PHF14: variants seen among roughly 807,000 people sequenced by gnomAD.
PHF14 encodes the protein PHD finger protein 14.
Under a neutral mutation model 117.9 loss-of-function variants are expected in PHF14, and 55 were observed. The ratio of observed to expected loss-of-function variants is 0.47; its 90% CI spans 0.38 to 0.58. The LOEUF (loss-of-function observed/expected upper bound fraction) is 0.58. Among genes scored for constraint, PHF14 ranks in the 20% least tolerant of loss-of-function variants. The pLI is 0.00. For synonymous variants in PHF14, 409 were observed against 368.6 expected, an observed-to-expected ratio of 1.11 and a Z score of -1.26; for missense variants, 978 against 1,122.2, an observed-to-expected ratio of 0.87 and a Z score of 1.84.
At chr7:11,009,279 T>C (rs1783253384) in intron 4 of PHF14, among the ~76,000 whole-genome samples, 2 of 152,196 alleles carry the variant, frequency 1.3e-5, no homozygotes, top group South Asian at 4.1e-4. Context: ...GAAAGTCCAC[T>C]GGCCCCTGTG....
chr7:11,070,376 C>G (rs1244197387), intron 16 of PHF14, among the ~76,000 whole-genome samples: 1 of 152,204 alleles, frequency 6.6e-6, no homozygotes, highest in Admixed American at 6.5e-5. Context: ...CTGTACCCAG[C>G]TAAGCTGTGT....
chr7:10,978,767 T>C (rs967533444), intron 2 of PHF14, among the ~76,000 whole-genome samples: 2 of 152,136 alleles, frequency 1.3e-5, no homozygotes, highest in Non-Finnish European at 2.9e-5. Context: ...CTTCCACTGT[T>C]GTGGCAACTA....
At chr7:10,983,191 C>A (rs1418369567) in intron 3 of PHF14, 32 bp downstream of exon 3, 3 of 1,553,120 alleles carry the variant, frequency 1.9e-6, no homozygotes, top group South Asian at 2.4e-5. Context: ...ATCTGTCTGT[C>A]TGGGGAAAAG....
chr7:11,159,499 A>G (rs567845058), intron 17 of PHF14, among the ~76,000 whole-genome samples: 1 of 152,204 alleles, frequency 6.6e-6, no homozygotes, highest in South Asian at 2.1e-4. Flanking sequence ...TATATATTTA[A>G]TACATATGAA....
intron 17 of PHF14, among the ~76,000 whole-genome samples, chr7:11,163,372 A>C (rs1362196620): frequency 6.6e-6 from 1 of 152,204 alleles, no homozygotes; most frequent in Non-Finnish European, 1.5e-5. Context: ...CTAAAGTTGG[A>C]ATTCAGTTGT....
At chr7:11,122,359 A>ATATATATATATT (rs1562476422) in intron 17 of PHF14, among the ~76,000 whole-genome samples, 1 of 115,226 alleles carries the variant, frequency 8.7e-6, no homozygotes, top group African/African-American at 4.1e-5. Context: ...ATATACACAC[A>ATATATATATATT]CACACACACA....
At chr7:10,985,757 A>G (rs890821182) in intron 3 of PHF14, among the ~76,000 whole-genome samples, 10 of 141,460 alleles carry the variant, frequency 7.1e-5, no homozygotes, top group South Asian at 6.5e-4. Flanking sequence ...GGTTCAAGCA[A>G]TTCTTCTGCC....
At chr7:11,035,258 A>G (rs114839777) in intron 7 of PHF14, among the ~76,000 whole-genome samples, 1,973 of 152,270 alleles carry the variant, frequency 0.013, 41 homozygotes, top group African/African-American at 0.045. Flanking sequence ...AACTAGATGC[A>G]AATACCACAC....
At chr7:11,028,569 T>G in intron 6 of PHF14, 112 bp from the exon 7 acceptor site, 1 of 960,558 alleles carries the variant, frequency 1.0e-6, no homozygotes, top group Non-Finnish European at 1.6e-6. Flanking sequence ...ACATAATTGG[T>G]TCATTATTTG....
chr7:11,031,261 A>AT, intron 7 of PHF14, among the ~76,000 whole-genome samples: 1 of 151,814 alleles, frequency 6.6e-6, no homozygotes, highest in Non-Finnish European at 1.5e-5. Flanking sequence ...ACCTTTCTGT[A>AT]TTTTTTATGA....
chr7:11,034,188 C>T (rs889573942), intron 7 of PHF14, among the ~76,000 whole-genome samples: 1 of 151,742 alleles, frequency 6.6e-6, no homozygotes, highest in Non-Finnish European at 1.5e-5. Context: ...TATGTCTCTC[C>T]TCGGTAGTGT....
intron 17 of PHF14, among the ~76,000 whole-genome samples, chr7:11,145,692 C>T (rs922124944): frequency 1.3e-5 from 2 of 151,996 alleles, no homozygotes; most frequent in African/African-American, 4.8e-5. Flanking sequence ...AATAACTATG[C>T]TTTGTTTGTA....
chr7:11,072,655 CA>C (rs1380892875), intron 16 of PHF14, among the ~76,000 whole-genome samples: 2 of 151,912 alleles, frequency 1.3e-5, no homozygotes, highest in African/African-American at 4.8e-5. Context: ...TCTGATATAA[CA>C]TATATAGTGC....
chr7:11,103,622 A>G lies in PHF14; in HGVS notation c.2655-7728A>G, dbSNP rs183763040. On this transcript the variant is annotated intron_variant, in intron 16 of 17. Coordinates refer to ENST00000634607, the MANE Select transcript of PHF14 (RefSeq NM_001007157.2). ...GTAAATTGTCAACATGTAATTTGGA[A>G]TTTTCTGATTAATAAATGTGGTTTT... is the stretch of plus-strand genomic sequence containing the variant. 2.0e-3 allele frequency: 1,945 copies of G among 985,148 alleles called. 2 individuals are homozygous for G. The highest frequency in any genetic ancestry group is 2.2e-3 in the Non-Finnish European group (1,798 of 829,412). 61.0% of individuals were successfully genotyped at this position (985,148 alleles called of 1,614,324 possible).
rs1411405943 is a variant in PHF14 at position 11,137,302 on chromosome 7, A to G, written c.2772+25835A>G. Reference sequence around the variant, plus strand: ...TTAGAAGAGGTGGCCAGTGCCTGCCAATTGGCTGCCATGTGGATACTTCTT... The same window carrying G: ...TTAGAAGAGGTGGCCAGTGCCTGCCGATTGGCTGCCATGTGGATACTTCTT... On this transcript the variant is annotated intron_variant, in intron 17 of 17. Coordinates refer to ENST00000634607, the MANE Select transcript of PHF14 (RefSeq NM_001007157.2). Among the ~76,000 whole-genome samples the G allele has an allele frequency of 2.6e-5, 4 of 152,180 alleles. 1 individual carries two copies. In the East Asian group the frequency reaches 7.7e-4, roughly 29 times the overall value.
At chr7:11,136,334 G>C (rs1040693452) in intron 17 of PHF14, among the ~76,000 whole-genome samples, 4 of 151,842 alleles carry the variant, frequency 2.6e-5, no homozygotes, top group Non-Finnish European at 5.9e-5. Context: ...ATTTTTATTT[G>C]AGCTGAAAAA....
At chr7:11,051,545 T>A in intron 13 of PHF14, 67 bp from the exon 14 acceptor site, 1 of 1,309,226 alleles carries the variant, frequency 7.6e-7, no homozygotes, top group Non-Finnish European at 1.0e-6. Context: ...TTTGTATTTA[T>A]AAAAACTATA....
At chr7:11,166,345 C>G (rs926990017) in intron 17 of PHF14, among the ~76,000 whole-genome samples, 22 of 151,682 alleles carry the variant, frequency 1.5e-4, no homozygotes, top group African/African-American at 5.3e-4. Context: ...AAAAAACCCT[C>G]CTGTATATCA....
chr7:11,009,277 A>C (rs1335703978), intron 4 of PHF14, among the ~76,000 whole-genome samples: 1 of 152,206 alleles, frequency 6.6e-6, no homozygotes, highest in African/African-American at 2.4e-5. Flanking sequence ...CTGAAAGTCC[A>C]CTGGCCCCTG....
Sources: allele counts gnomAD v4.1 joint callset (sites outside exome capture counted in the v4.1 genomes callset), GRCh38; gene constraint gnomAD v4.1.1; transcripts MANE v1.5; gene names NCBI Gene and HGNC (gene_info 2026-07-23, HGNC 2026-07-21).